UBTD2: variants seen among roughly 807,000 people sequenced by gnomAD.
The protein encoded by UBTD2 is ubiquitin domain-containing protein 2.
UBTD2 carries 9 observed loss-of-function variants against 19.8 expected under a neutral mutation model. That is an observed-to-expected ratio of 0.46 (90% CI 0.27 to 0.79). The LOEUF is 0.79. Ranked by LOEUF, UBTD2 falls within the 30% of genes least tolerant of loss-of-function variation. The pLI, the probability that UBTD2 is intolerant of heterozygous loss-of-function variation, is 0.14. For missense variants in UBTD2, 250 were observed against 300.4 expected, an observed-to-expected ratio of 0.83 and a Z score of 1.24; for synonymous variants, 98 against 103.9, an observed-to-expected ratio of 0.94 and a Z score of 0.35.
intron 1 of UBTD2, among the ~76,000 whole-genome samples, chr5:172,246,447 T>G (rs1161916914): frequency 7.0e-6 from 1 of 142,682 alleles, no homozygotes; most frequent in Non-Finnish European, 1.5e-5. Context: ...ATTGCTTTTT[T>G]TTTTTTTTTT....
intron 1 of UBTD2, among the ~76,000 whole-genome samples, chr5:172,254,096 A>C (rs1755088669): frequency 6.6e-6 from 1 of 151,810 alleles, no homozygotes; most frequent in Non-Finnish European, 1.5e-5. Flanking sequence ...TCAAACTAGC[A>C]TTCCTTTTTT....
chr5:172,266,218 A>T (rs1036709557), intron 1 of UBTD2, among the ~76,000 whole-genome samples: 6 of 152,190 alleles, frequency 3.9e-5, no homozygotes, highest in Admixed American at 2.6e-4. Flanking sequence ...GGTGTGAGCC[A>T]CCGCACCTGG....
chr5:172,229,226 C>T (rs1013393566), intron 2 of UBTD2, among the ~76,000 whole-genome samples: 10 of 151,830 alleles, frequency 6.6e-5, no homozygotes, highest in East Asian at 1.9e-4. Flanking sequence ...TTTGGCCGGG[C>T]GCGGTGGCTC....
chr5:172,261,129 C>T (rs1404552198), intron 1 of UBTD2, among the ~76,000 whole-genome samples: 2 of 152,180 alleles, frequency 1.3e-5, no homozygotes, highest in East Asian at 1.9e-4. Flanking sequence ...CCCCCTCCCC[C>T]GCTTCTAAGT....
At chr5:172,232,711 A>G (rs1337982400) in intron 2 of UBTD2, among the ~76,000 whole-genome samples, 1 of 152,000 alleles carries the variant, frequency 6.6e-6, no homozygotes, top group Non-Finnish European at 1.5e-5. Context: ...ACAAAACAAA[A>G]CAAAACAAAA....
chr5:172,242,801 G>T (rs1476742002), intron 1 of UBTD2, among the ~76,000 whole-genome samples: 1 of 152,022 alleles, frequency 6.6e-6, no homozygotes, highest in African/African-American at 2.4e-5. Flanking sequence ...TCAGCTACAG[G>T]GTTGTAAAAG....
At chr5:172,254,689 C>T in intron 1 of UBTD2, 1 of 543,234 alleles carries the variant, frequency 1.8e-6, no homozygotes, top group Non-Finnish European at 3.3e-6. Flanking sequence ...TCTTCCCAGG[C>T]TGCAAGATGA....
At chr5:172,274,511 G>A (rs1400747914) in intron 1 of UBTD2, among the ~76,000 whole-genome samples, 7 of 152,078 alleles carry the variant, frequency 4.6e-5, no homozygotes, top group Non-Finnish European at 1.0e-4. Context: ...GTTAGATGAT[G>A]TGTAGAACAT....
chr5:172,251,022 T>C (rs568726352), intron 1 of UBTD2, among the ~76,000 whole-genome samples: 1 of 130,186 alleles, frequency 7.7e-6, no homozygotes, highest in South Asian at 2.4e-4. Context: ...TCTTAGAAAA[T>C]AGCCACTAAA....
intron 1 of UBTD2, among the ~76,000 whole-genome samples, chr5:172,239,358 A>AG (rs955729636): frequency 6.6e-6 from 1 of 151,994 alleles, no homozygotes; most frequent in Non-Finnish European, 1.5e-5. Context: ...AGGCTGAGGC[A>AG]GGGGGGATCA....
At chr5:172,258,327 T>C (rs137908642) in intron 1 of UBTD2, among the ~76,000 whole-genome samples, 11 of 152,364 alleles carry the variant, frequency 7.2e-5, no homozygotes, top group East Asian at 3.8e-4. Context: ...CTGGGTTATG[T>C]AACTCATTCC....
intron 1 of UBTD2, among the ~76,000 whole-genome samples, chr5:172,275,677 C>G (rs1466431090): frequency 1.3e-5 from 2 of 152,134 alleles, no homozygotes; most frequent in African/African-American, 4.8e-5. Flanking sequence ...GTCAACTCAC[C>G]CCAGCTGATC....
At chr5:172,232,839 G>A (rs914513808) in intron 2 of UBTD2, among the ~76,000 whole-genome samples, 1 of 152,004 alleles carries the variant, frequency 6.6e-6, no homozygotes, top group African/African-American at 2.4e-5. Context: ...AGCTGTCATC[G>A]TGCCACCACA....
chr5:172,243,806 A>G (rs1047182158), intron 1 of UBTD2, among the ~76,000 whole-genome samples: 2 of 150,980 alleles, frequency 1.3e-5, no homozygotes, highest in African/African-American at 2.4e-5. Flanking sequence ...CAGGTGATCC[A>G]CCCGCCTCGG....
intron 1 of UBTD2, among the ~76,000 whole-genome samples, chr5:172,273,201 T>C (rs903677559): frequency 6.6e-6 from 1 of 152,208 alleles, no homozygotes; most frequent in Admixed American, 6.5e-5. Context: ...TTAAAGCTTC[T>C]GTCCATAAAA....
intron 1 of UBTD2, among the ~76,000 whole-genome samples, chr5:172,272,758 G>C (rs1434024193): frequency 6.6e-6 from 1 of 152,192 alleles, no homozygotes; most frequent in Non-Finnish European, 1.5e-5. Context: ...AAATCAGCCA[G>C]ATTTAAAAAT....
intron 1 of UBTD2, among the ~76,000 whole-genome samples, chr5:172,272,465 A>C (rs1755509966): frequency 6.6e-6 from 1 of 152,174 alleles, no homozygotes; most frequent in South Asian, 2.1e-4. Context: ...CCCCAAATGA[A>C]GATAACCACT....
intron 1 of UBTD2, among the ~76,000 whole-genome samples, chr5:172,251,794 G>A (rs763292532): frequency 7.2e-5 from 11 of 152,152 alleles, no homozygotes; most frequent in East Asian, 3.8e-4. Flanking sequence ...AAGAAAGGAC[G>A]TCAATGAGAA....
intron 1 of UBTD2, among the ~76,000 whole-genome samples, chr5:172,251,337 A>ACT (rs908855905): frequency 1.3e-4 from 19 of 151,040 alleles, no homozygotes; most frequent in Admixed American, 1.1e-3. Flanking sequence ...GAAAATAGCC[A>ACT]CTAAAGTATT....
Sources: allele counts gnomAD v4.1 joint callset (sites outside exome capture counted in the v4.1 genomes callset), GRCh38; gene constraint gnomAD v4.1.1; transcripts MANE v1.5; gene names NCBI Gene and HGNC (gene_info 2026-07-23, HGNC 2026-07-21).